Variants in IPO7 observed in about 807,000 individuals in gnomAD.
IPO7 encodes importin 7.
A neutral mutation model predicts 136.4 loss-of-function variants in IPO7; 13 were observed. The observed-to-expected ratio is 0.10, with a 90% CI of 0.06 to 0.15. The LOEUF is 0.15. Among genes scored for constraint, IPO7 ranks in the 10% least tolerant of loss-of-function variants. IPO7 has a pLI of 1.00. For synonymous variants in IPO7, 403 were observed against 404.4 expected (o/e 1.00, Z 0.04); for missense variants, 857 against 1,240.6 (o/e 0.69, Z 4.65).
In IPO7 at chr11:9,415,590, G is replaced by A. The variant is rs554858723; in HGVS notation, c.636+1179G>A. ...GTGATGGCTCACGCCTGTAATCCCA[G>A]CACTTTGGGAGGCCGAGGCGGGCGG... On this transcript the variant is annotated intron_variant, in intron 5 of 24. Coordinates refer to ENST00000379719, the MANE Select transcript of IPO7 (RefSeq NM_006391.3). 2.6e-5 allele frequency among the ~76,000 whole-genome samples: 4 copies of A among 152,302 alleles called. No homozygotes were observed. The South Asian group carries it at 8.3e-4, about 32-fold the overall frequency.
chr11:9,425,132 C>A lies in IPO7; in HGVS notation c.1219-14C>A. The stretch of plus-strand genomic sequence containing the variant: ...TGGCCTATTCAGTAACAATACTTTT[C>A]TCTTTTAATCTAGGTACTGCAAAAG... On this transcript the variant is annotated splice_polypyrimidine_tract_variant and intron_variant, in intron 11 of 24. Coordinates refer to ENST00000379719, the MANE Select transcript of IPO7 (RefSeq NM_006391.3). 2 of 1,524,994 alleles carry A rather than the reference C, an allele frequency of 1.3e-6. No homozygotes were observed. Among genetic ancestry groups the A allele is most frequent in the Non-Finnish European group, 9.1e-7 (1 of 1,100,968 alleles). The allele number at this position is 1,524,994 out of a possible 1,614,324, so 94.5% of individuals were successfully genotyped here. A position where few individuals can be genotyped will look rare whatever the true frequency, so the allele number is the denominator to read the frequency against.
At chr11:9,389,972 G>A (rs1042133750) in intron 1 of IPO7, among the ~76,000 whole-genome samples, 2 of 152,140 alleles carry the variant, frequency 1.3e-5, no homozygotes, top group Admixed American at 6.5e-5. Context: ...GGCCAGCCTG[G>A]TCTTGAACTC....
At chr11:9,404,376 A>G (rs2133732187) in intron 2 of IPO7, among the ~76,000 whole-genome samples, 1 of 151,466 alleles carries the variant, frequency 6.6e-6, no homozygotes, top group Admixed American at 6.6e-5. Flanking sequence ...GAGGCAGGAG[A>G]ATGGCGTGAA....
intron 1 of IPO7, among the ~76,000 whole-genome samples, chr11:9,386,827 G>A (rs900691782): frequency 2.0e-5 from 3 of 152,072 alleles, no homozygotes; most frequent in Non-Finnish European, 2.9e-5. Context: ...AGTGAACACC[G>A]CTAATCTGTC....
At chr11:9,430,288 CTAACACAATCATGTGTCAG>C in intron 15 of IPO7, 1 of 154,620 alleles carries the variant, frequency 6.5e-6, no homozygotes, top group Non-Finnish European at 1.4e-5. Flanking sequence ...TTACTTAATT[CTAACACAATCATGTGTCAG>C]AATTATTCCT....
At chr11:9,425,309 A>G in intron 12 of IPO7, 47 bp downstream of exon 12, 1 of 1,140,526 alleles carries the variant, frequency 8.8e-7, no homozygotes, top group South Asian at 1.2e-5. Flanking sequence ...AAGTAGTTTT[A>G]AAAAATAAAT....
chr11:9,403,845 T>C (rs959038122), intron 2 of IPO7, among the ~76,000 whole-genome samples: 1 of 152,180 alleles, frequency 6.6e-6, no homozygotes, highest in African/African-American at 2.4e-5. Flanking sequence ...CTGTAAAAAA[T>C]AATGTAGTGT....
Position 9,419,545 on chromosome 11 carries a change from T to TAAAAAA in IPO7, c.727-856_727-851dup, listed in dbSNP as rs1178586532. ...CCTGGCAACAGAGTGAGACTCTGTC[T>TAAAAAA]AAAAAAAAAAAAAAATATATATATA... On this transcript the variant is annotated intron_variant, in intron 6 of 24. Coordinates refer to ENST00000379719, the MANE Select transcript of IPO7 (RefSeq NM_006391.3). Among the ~76,000 whole-genome samples, 151 of 91,628 alleles carry TAAAAAA rather than the reference T, an allele frequency of 1.6e-3. 1 individual carries two copies. The highest frequency in any genetic ancestry group is 9.3e-3 in the East Asian group (29 of 3,114). 60.1% of individuals were successfully genotyped at this position (91,628 alleles called of 152,430 possible).
At position 9,437,766 on chromosome 11, in the gene IPO7, T is replaced by C; in HGVS notation, c.2281T>C (p.Phe761Leu). ...TCTTTTTTTGTAGTGCATTCCCTTA[T>C]TCGTGGAAGCAGCCTTAGAAAGACT... is the stretch of plus-strand genomic sequence containing the variant. ...GRGIDQCIPL[F>L]VEAALERLTR... Residue 761 changes from phenylalanine to leucine, a missense_variant, in exon 21 of 25, where the codon TTC (phenylalanine) becomes CTC (leucine). Around this residue, in one of 11 missense-constraint regions of IPO7, gnomAD observed 190 missense variants for 249.0 expected, o/e 0.76. Coordinates refer to ENST00000379719, the MANE Select transcript of IPO7 (RefSeq NM_006391.3). 6.2e-7 allele frequency: 1 copy of C among 1,612,760 alleles called. No homozygotes were observed. The highest frequency in any genetic ancestry group is 8.5e-7 in the Non-Finnish European group (1 of 1,178,846).
intron 1 of IPO7, among the ~76,000 whole-genome samples, 178 bp downstream of exon 1, chr11:9,385,025 T>A (rs917171190): frequency 3.3e-5 from 5 of 152,012 alleles, no homozygotes; most frequent in Non-Finnish European, 7.4e-5. Context: ...GTGGTGGTGG[T>A]GGCTGCAGCC....
intron 4 of IPO7, among the ~76,000 whole-genome samples, chr11:9,413,874 TCA>T (rs938221483): frequency 1.3e-5 from 2 of 151,948 alleles, no homozygotes; most frequent in African/African-American, 2.4e-5. Flanking sequence ...ATCAATTGAT[TCA>T]CAGTTAGAGA....
intron 19 of IPO7, among the ~76,000 whole-genome samples, chr11:9,435,724 C>T (rs539563969): frequency 6.4e-4 from 98 of 152,296 alleles, no homozygotes; most frequent in African/African-American, 1.9e-3. Context: ...TGTTTATACT[C>T]ATCTAGTTTT....
chr11:9,397,753 C>G (rs1474202881), intron 1 of IPO7, among the ~76,000 whole-genome samples: 1 of 152,044 alleles, frequency 6.6e-6, no homozygotes, highest in East Asian at 1.9e-4. Context: ...TTAGAGCATA[C>G]TCTGAGAAAG....
chr11:9,432,250 G>T (rs1267000405), intron 16 of IPO7, among the ~76,000 whole-genome samples: 2 of 149,702 alleles, frequency 1.3e-5, no homozygotes, highest in Non-Finnish European at 3.0e-5. Flanking sequence ...TGCCTAGGCA[G>T]GAGTGCAGTG....
chr11:9,409,113 A>ATT (rs760836724), intron 3 of IPO7, among the ~76,000 whole-genome samples: 1 of 135,810 alleles, frequency 7.4e-6, no homozygotes, highest in Non-Finnish European at 1.6e-5. Flanking sequence ...TGCCTTAGTC[A>ATT]TTTTTTTTTT....
In IPO7 at chr11:9,425,238, C is replaced by T. The variant is rs746859602; in HGVS notation, c.1311C>T (p.Gly437=). ...RKKDGALHMI[G]SLAEILLKKK... is the part of the protein sequence containing the mutation. The stretch of plus-strand genomic sequence containing the variant: ...AAGATGGAGCCCTGCATATGATTGG[C>T]TCTTTAGCTGAAATACTTCTGAAGG... Residue 437 remains glycine (G), a synonymous_variant, in exon 12 of 25, where the codon GGC becomes GGT. Transcript: ENST00000379719. The T allele has an allele frequency of 3.1e-5, 50 of 1,600,104 alleles. No homozygotes were observed. Among genetic ancestry groups the T allele is most frequent in the Non-Finnish European group, 3.3e-5 (39 of 1,167,912 alleles).
intron 1 of IPO7, 106 bp downstream of exon 1, chr11:9,384,953 C>T (rs1372076104): frequency 1.2e-6 from 1 of 817,948 alleles, no homozygotes; most frequent in Non-Finnish European, 1.9e-6. Flanking sequence ...GTTGAGGGTC[C>T]CAGCAGGAGG....
chr11:9,437,820 C>A lies in IPO7; in HGVS notation c.2335C>A (p.Arg779=), dbSNP rs1434991985. ...AAGAGAGGTTAAGACAAGTGAACTT[C>A]GAACTATGTGTCTGCAAGTTGCAAT... is the stretch of plus-strand genomic sequence containing the variant. The part of the protein sequence containing the change: ...LTREVKTSEL[R]TMCLQVAIAA... Residue 779 remains arginine (R), a synonymous_variant, in exon 21 of 25, where the codon CGA becomes AGA. Transcript: ENST00000379719. 1 of 1,613,656 alleles carries A rather than the reference C, an allele frequency of 6.2e-7. No homozygotes were observed. Among genetic ancestry groups the A allele is most frequent in the African/African-American group, 1.3e-5 (1 of 74,916 alleles).
At chr11:9,391,388 A>C (rs1196132294) in intron 1 of IPO7, among the ~76,000 whole-genome samples, 1 of 147,524 alleles carries the variant, frequency 6.8e-6, no homozygotes, top group Non-Finnish European at 1.5e-5. Flanking sequence ...ACAGTGCAAG[A>C]CTCTGCCTCA....
Sources: allele counts gnomAD v4.1 joint callset (sites outside exome capture counted in the v4.1 genomes callset), GRCh38; gene constraint gnomAD v4.1.1; regional missense constraint gnomAD v4.1.1; transcripts MANE v1.5; gene names NCBI Gene and HGNC (gene_info 2026-07-23, HGNC 2026-07-21).